Variants in TCF7L1 observed in about 807,000 individuals in gnomAD.
The protein encoded by TCF7L1 is transcription factor 7-like 1.
TCF7L1 carries 18 observed loss-of-function variants against 63.7 expected under a neutral mutation model. That is an observed-to-expected ratio of 0.28 (90% confidence interval 0.20 to 0.42). TCF7L1 has a LOEUF of 0.42. TCF7L1 is among the 10% of genes least tolerant of loss of function. The pLI is 1.00. For missense variants in TCF7L1, 654 were observed against 779.3 expected (o/e 0.84, Z 1.91); for synonymous variants, 355 against 340.9 (o/e 1.04, Z -0.46).
Position 85,303,978 on chromosome 2 carries a change from C to G in TCF7L1, c.742C>G (p.Leu248Val). ...PGAVGQIPHP[L>V]GWLVPQQGQP... is the part of the protein sequence containing the mutation. ...AGCTGTCGGACAAATCCCCCACCCC[C>G]TCGGCTGGCTCGTCCCACAGTAAGG... Residue 248 changes from leucine (L) to valine (V), a missense_variant, in exon 6 of 12, where the codon CTC becomes GTC. Coordinates refer to ENST00000282111, the MANE Select transcript of TCF7L1 (RefSeq NM_031283.3). 6.2e-7 allele frequency: 1 copy of G among 1,610,650 alleles called. No homozygotes were observed. The highest frequency in any genetic ancestry group is 8.5e-7 in the Non-Finnish European group (1 of 1,178,260).
chr2:85,146,884 T>A (rs1435814815), intron 3 of TCF7L1, among the ~76,000 whole-genome samples: 4 of 152,298 alleles, frequency 2.6e-5, no homozygotes, highest in African/African-American at 9.6e-5. Flanking sequence ...GCTGGTTGAT[T>A]TACAGTCTCA....
intron 3 of TCF7L1, among the ~76,000 whole-genome samples, chr2:85,188,866 C>T (rs1678987292): frequency 1.3e-5 from 2 of 152,182 alleles, no homozygotes; most frequent in South Asian, 4.1e-4. Flanking sequence ...ATTACTAACT[C>T]CGGGTTGGGA....
At chr2:85,258,207 C>T (rs936599435) in intron 3 of TCF7L1, among the ~76,000 whole-genome samples, 1 of 152,146 alleles carries the variant, frequency 6.6e-6, no homozygotes, top group Non-Finnish European at 1.5e-5. Flanking sequence ...TGCCTGTGCA[C>T]ACTGTACCCT....
chr2:85,169,979 A>G (rs1678510820), intron 3 of TCF7L1, among the ~76,000 whole-genome samples: 1 of 152,250 alleles, frequency 6.6e-6, no homozygotes, highest in Non-Finnish European at 1.5e-5. Context: ...GAAAAAGAAG[A>G]GCCAACAATA....
At chr2:85,168,557 G>T (rs1678473901) in intron 3 of TCF7L1, among the ~76,000 whole-genome samples, 1 of 152,034 alleles carries the variant, frequency 6.6e-6, no homozygotes, top group Admixed American at 6.5e-5. Context: ...CCACCGCCTG[G>T]TAGAGCTGCG....
intron 3 of TCF7L1, among the ~76,000 whole-genome samples, chr2:85,173,974 A>G (rs1375836110): frequency 1.3e-5 from 2 of 152,064 alleles, no homozygotes; most frequent in African/African-American, 4.8e-5. Context: ...TGACCTTGTG[A>G]TCCGCCCGCC....
chr2:85,158,151 G>A (rs1163115194), intron 3 of TCF7L1, among the ~76,000 whole-genome samples: 1 of 152,202 alleles, frequency 6.6e-6, no homozygotes, highest in Non-Finnish European at 1.5e-5. Flanking sequence ...CAGGGGCTAG[G>A]AGAGCTGACA....
intron 3 of TCF7L1, among the ~76,000 whole-genome samples, chr2:85,198,420 G>A (rs371818542): frequency 3.8e-4 from 58 of 152,298 alleles, no homozygotes; most frequent in African/African-American, 1.3e-3. Flanking sequence ...AGAGGTGTCC[G>A]TGGCTCCCTC....
intron 3 of TCF7L1, among the ~76,000 whole-genome samples, chr2:85,153,509 T>C (rs1574081235): frequency 6.6e-6 from 1 of 151,754 alleles, no homozygotes; most frequent in African/African-American, 2.4e-5. Flanking sequence ...GCCCGGCTAA[T>C]TTTTTGTATT....
chr2:85,157,486 GGGCAGGGACT>G (rs1678176568), intron 3 of TCF7L1, among the ~76,000 whole-genome samples: 1 of 152,166 alleles, frequency 6.6e-6, no homozygotes, highest in Non-Finnish European at 1.5e-5. Context: ...AGCAAGCCTG[GGGCAGGGACT>G]GGCTTGGAAA....
intron 3 of TCF7L1, among the ~76,000 whole-genome samples, chr2:85,148,840 C>G (rs1345365660): frequency 7.2e-6 from 1 of 138,738 alleles, no homozygotes; most frequent in African/African-American, 2.7e-5. Context: ...GTGGCGCGAT[C>G]TTGGCTCACT....
At chr2:85,235,709 A>G (rs1451218477) in intron 3 of TCF7L1, among the ~76,000 whole-genome samples, 4 of 152,152 alleles carry the variant, frequency 2.6e-5, no homozygotes, top group Non-Finnish European at 4.4e-5. Flanking sequence ...GCAATGACAT[A>G]AATAAAAACT....
chr2:85,301,182 C>T (rs571943050), intron 4 of TCF7L1, among the ~76,000 whole-genome samples: 4 of 152,282 alleles, frequency 2.6e-5, no homozygotes, highest in African/African-American at 4.8e-5. Flanking sequence ...ATAAGTTTTA[C>T]GTTTTGAGAA....
chr2:85,302,578 C>CCA lies in TCF7L1; in HGVS notation c.620_621insCA (p.Pro208IlefsTer70). 3.8e-6 allele frequency: 6 copies of CCA among 1,583,148 alleles called. No individual in the cohort carries two copies. Among genetic ancestry groups the CCA allele is most frequent in the Non-Finnish European group, 4.3e-6 (5 of 1,154,172 alleles). The stretch of plus-strand genomic sequence containing the variant: ...AATGACCACTTCTCCCCCGGCTCCC[C>CCA]TCCCACCCACCTCTCCCCAGAGATC... On this transcript the variant is annotated frameshift_variant, in exon 5 of 12. Coordinates refer to ENST00000282111, the MANE Select transcript of TCF7L1 (RefSeq NM_031283.3). LOFTEE classifies it high-confidence loss of function.
chr2:85,182,573 G>C (rs564103610), intron 3 of TCF7L1, among the ~76,000 whole-genome samples: 2 of 152,296 alleles, frequency 1.3e-5, no homozygotes, highest in Admixed American at 1.3e-4. Flanking sequence ...GAGAGCTTGT[G>C]CTACCAGCTT....
At chr2:85,236,170 C>T (rs1378888946) in intron 3 of TCF7L1, among the ~76,000 whole-genome samples, 1 of 132,548 alleles carries the variant, frequency 7.5e-6, no homozygotes, top group Non-Finnish European at 1.5e-5. Flanking sequence ...GCCATCCCCC[C>T]CCCAAAAAAA....
At chr2:85,209,740 C>T (rs1242031629) in intron 3 of TCF7L1, among the ~76,000 whole-genome samples, 1 of 152,008 alleles carries the variant, frequency 6.6e-6, no homozygotes, top group East Asian at 1.9e-4. Flanking sequence ...GCACATACAC[C>T]CAGGCAATGG....
intron 4 of TCF7L1, among the ~76,000 whole-genome samples, chr2:85,299,903 A>ACACACACACACACACACACACACACT (rs1558660696): frequency 1.3e-5 from 2 of 150,146 alleles, no homozygotes; most frequent in African/African-American, 4.9e-5. Context: ...ACACACACAC[A>ACACACACACACACACACACACACACT]CTGATGCCCA....
intron 3 of TCF7L1, among the ~76,000 whole-genome samples, chr2:85,238,922 C>G (rs1298033338): frequency 6.6e-6 from 1 of 151,868 alleles, no homozygotes; most frequent in Non-Finnish European, 1.5e-5. Flanking sequence ...CGAGGTCAAG[C>G]AGTTCTTCTG....
Sources: gnomAD v4.1 joint callset for allele counts (sites outside exome capture counted in the v4.1 genomes callset) on GRCh38, gnomAD v4.1.1 for gene constraint, MANE v1.5 for transcripts, NCBI Gene and HGNC (gene_info 2026-07-23, HGNC 2026-07-21) for gene names.